GATAD1: variants seen among roughly 807,000 people sequenced by gnomAD.
GATAD1 encodes GATA zinc finger domain containing 1.
GATAD1 carries 12 observed loss-of-function variants against 26.5 expected under a neutral mutation model. The observed-to-expected ratio is 0.45, with a 90% CI of 0.29 to 0.73. The LOEUF is 0.73. Among genes scored for constraint, GATAD1 ranks in the 30% least tolerant of loss-of-function variants. The pLI, the probability that GATAD1 is intolerant of heterozygous loss-of-function variation, is 0.10. For missense variants in GATAD1, 266 were observed against 342.1 expected, an observed-to-expected ratio of 0.78 and a Z score of 1.75; for synonymous variants, 129 against 133.1, an observed-to-expected ratio of 0.97 and a Z score of 0.21.
chr7:92,495,733 C>G, the GATAD1 span, among the ~76,000 whole-genome samples: 804 of 151,918 alleles, frequency 5.3e-3, 5 homozygotes, highest in African/African-American at 0.018. Flanking sequence ...CAATTGTACT[C>G]GGTGTTCAAA....
At chr7:92,473,695 T>C in the GATAD1 span, among the ~76,000 whole-genome samples, 23 of 151,750 alleles carry the variant, frequency 1.5e-4, no homozygotes, top group African/African-American at 5.6e-4. Context: ...GAGAAGTATC[T>C]AGTGACTGCC....
downstream of GATAD1, among the ~76,000 whole-genome samples, chr7:92,463,742 G>A (rs762033557): frequency 2.0e-5 from 3 of 151,952 alleles, no homozygotes; most frequent in Non-Finnish European, 2.9e-5. Flanking sequence ...GCCAAGGCAG[G>A]CAGATCAGTT....
the GATAD1 span, chr7:92,491,364 T>A: frequency 2.5e-6 from 4 of 1,613,956 alleles, no homozygotes; most frequent in Non-Finnish European, 3.4e-6. Flanking sequence ...TCTGGAAGGA[T>A]CTCGGACATC....
rs1316064656 is a variant in GATAD1 at position 92,447,572 on chromosome 7, G to T, written c.-158G>T. 4.9e-5 allele frequency: 49 copies of T among 991,274 alleles called. No individual in the cohort carries two copies. The highest frequency in any genetic ancestry group is 5.3e-5 in the Non-Finnish European group (40 of 754,004). 61.4% of individuals were successfully genotyped at this position (991,274 alleles called of 1,614,324 possible). ...GGAACCCGCTTCCCGCCTCCACGGG[G>T]CAGCGCCAGCGGCCTGGTCCTTTCA... On this transcript the variant is annotated 5_prime_UTR_variant, in exon 1 of 5. Transcript: ENST00000287957.
chr7:92,489,443 T>G, the GATAD1 span: 1 of 1,607,920 alleles, frequency 6.2e-7, no homozygotes, highest in Non-Finnish European at 8.5e-7. Flanking sequence ...AAAAAGAAAT[T>G]GACGAAGAGT....
intron 1 of GATAD1, among the ~76,000 whole-genome samples, 198 bp from the exon 2 acceptor site, chr7:92,448,554 G>A (rs111410472): frequency 1.5e-4 from 23 of 152,306 alleles, no homozygotes; most frequent in African/African-American, 5.1e-4. Context: ...CGAGCTCCGA[G>A]ATTCCGGGTG....
At chr7:92,463,835 G>C (rs865933284), downstream of GATAD1, among the ~76,000 whole-genome samples, 4 of 152,000 alleles carry the variant, frequency 2.6e-5, no homozygotes, top group South Asian at 2.1e-4. Flanking sequence ...CGAGTGTGGT[G>C]GTGGGTGCCT....
the GATAD1 span, chr7:92,471,061 C>G: frequency 6.0e-6 from 1 of 167,068 alleles, no homozygotes; most frequent in African/African-American, 2.4e-5. Flanking sequence ...GGGCTATTGT[C>G]ACTCTGTAAG....
chr7:92,458,197 AT>A lies in GATAD1; in HGVS notation c.*1637del, dbSNP rs1789768126. Reference sequence around the variant, plus strand: ...TCTGTAGAAACAGGCATTCAGAACCATTCCATTGATCTTAATAAAGCTGCTC... The same window carrying A: ...TCTGTAGAAACAGGCATTCAGAACCATCCATTGATCTTAATAAAGCTGCTC... On this transcript the variant is annotated 3_prime_UTR_variant, in exon 5 of 5. Coordinates refer to ENST00000287957, the MANE Select transcript of GATAD1 (RefSeq NM_021167.5). 6.6e-6 allele frequency: 1 copy of A among 152,230 alleles called. No homozygotes were observed. Among genetic ancestry groups the A allele is most frequent in the Admixed American group, 6.5e-5 (1 of 15,286 alleles). The allele number at this position is 152,230 out of a possible 1,614,324, so 9.4% of individuals were successfully genotyped here.
the GATAD1 span, chr7:92,489,467 TA>T: frequency 5.1e-4 from 788 of 1,535,308 alleles, no homozygotes; most frequent in Middle Eastern, 6.8e-4. Flanking sequence ...ATTAAGGATG[TA>T]AAAAAAAATG....
At chr7:92,491,397 C>A in the GATAD1 span, 1 of 1,613,646 alleles carries the variant, frequency 6.2e-7, no homozygotes, top group South Asian at 1.1e-5. Flanking sequence ...AGGGACTGAT[C>A]TAAGCCACAT....
the GATAD1 span, chr7:92,470,407 C>A: frequency 1.5e-6 from 1 of 670,378 alleles, no homozygotes; most frequent in South Asian, 1.7e-5. Context: ...TAGTTACTTT[C>A]CTCCTGGTTG....
At chr7:92,469,709 A>C in the GATAD1 span, 26 of 764,104 alleles carry the variant, frequency 3.4e-5, no homozygotes. Flanking sequence ...TCCAGATTGG[A>C]AACAAGAGGT....
rs1305359919 is a variant in GATAD1 at position 92,459,840 on chromosome 7, C to G, written c.*3278C>G. ...TTATGGGAGATGCTGATTGTAGGGTCTGAGTTAGATACTGTTAACTAAAAT... is the reference window on the plus strand; with the variant it reads ...TTATGGGAGATGCTGATTGTAGGGTGTGAGTTAGATACTGTTAACTAAAAT... On this transcript the variant is annotated 3_prime_UTR_variant, in exon 5 of 5. Coordinates refer to ENST00000287957, the MANE Select transcript of GATAD1 (RefSeq NM_021167.5). 1.3e-5 allele frequency among the ~76,000 whole-genome samples: 2 copies of G among 152,146 alleles called. No individual in the cohort carries two copies. Among genetic ancestry groups the G allele is most frequent in the Admixed American group, 1.3e-4 (2 of 15,270 alleles).
the GATAD1 span, among the ~76,000 whole-genome samples, chr7:92,492,372 C>T: frequency 2.7e-4 from 41 of 152,286 alleles, no homozygotes; most frequent in African/African-American, 9.6e-4. Context: ...ACAGTTTGTG[C>T]AACCATGATT....
At chr7:92,488,651 A>G in the GATAD1 span, among the ~76,000 whole-genome samples, 68 of 152,300 alleles carry the variant, frequency 4.5e-4, no homozygotes, top group Non-Finnish European at 8.5e-4. Context: ...AGGTATTTTT[A>G]TAACAAAATT....
At chr7:92,454,160 G>A in intron 3 of GATAD1, 1 of 261,644 alleles carries the variant, frequency 3.8e-6, no homozygotes. Context: ...CTCTACTTCT[G>A]CTCAATTTTG....
the GATAD1 span, among the ~76,000 whole-genome samples, chr7:92,486,572 G>A: frequency 6.6e-6 from 1 of 152,124 alleles, no homozygotes; most frequent in Non-Finnish European, 1.5e-5. Flanking sequence ...TCTGAGCTTT[G>A]CTGGTTTAGA....
chr7:92,449,006 C>A, intron 2 of GATAD1, 129 bp downstream of exon 2: 1 of 1,093,534 alleles, frequency 9.1e-7, no homozygotes, highest in Non-Finnish European at 1.3e-6. Flanking sequence ...GGGGAATGGT[C>A]CAGATTCCCC....
Sources: allele counts gnomAD v4.1 joint callset (sites outside exome capture counted in the v4.1 genomes callset), GRCh38; gene constraint gnomAD v4.1.1; transcripts MANE v1.5; gene names NCBI Gene and HGNC (gene_info 2026-07-23, HGNC 2026-07-21).